The following NSRP1 variants were observed in gnomAD, a reference collection of about 807,000 sequenced individuals.
NSRP1 encodes coiled-coil domain containing 55.
In NSRP1, 24 loss-of-function variants were observed where a neutral mutation model predicts 54.7. The observed-to-expected ratio is 0.44, with a 90% CI of 0.32 to 0.62. NSRP1 has a LOEUF of 0.62. Among genes scored for constraint, NSRP1 ranks in the 20% least tolerant of loss-of-function variants. The pLI is 0.06. For synonymous variants in NSRP1, 210 were observed against 213.8 expected (o/e 0.98, Z 0.15); for missense variants, 596 against 651.2 (o/e 0.92, Z 0.92).
At chr17:30,135,201 C>G (rs943736645) in intron 2 of NSRP1, among the ~76,000 whole-genome samples, 5 of 152,100 alleles carry the variant, frequency 3.3e-5, no homozygotes, top group African/African-American at 1.2e-4. Flanking sequence ...TCACTGCAAC[C>G]TCTGCGTCCA....
chr17:30,126,749 G>A (rs1238289001), intron 2 of NSRP1, among the ~76,000 whole-genome samples: 1 of 152,082 alleles, frequency 6.6e-6, no homozygotes, highest in Non-Finnish European at 1.5e-5. Flanking sequence ...CACCACTCTC[G>A]GCTCATTTTT....
intron 2 of NSRP1, among the ~76,000 whole-genome samples, chr17:30,146,943 A>G (rs904896228): frequency 3.0e-4 from 46 of 152,184 alleles, no homozygotes; most frequent in African/African-American, 1.1e-3. Flanking sequence ...CATCTCTTCT[A>G]GTCCTTATAC....
At chr17:30,173,860 C>T (rs935945508) in intron 3 of NSRP1, among the ~76,000 whole-genome samples, 3 of 152,110 alleles carry the variant, frequency 2.0e-5, no homozygotes, top group Non-Finnish European at 4.4e-5. Flanking sequence ...CACACCCTCC[C>T]GGACGAATTG....
chr17:30,131,201 T>G (rs1441857387), intron 2 of NSRP1, among the ~76,000 whole-genome samples: 1 of 152,252 alleles, frequency 6.6e-6, no homozygotes, highest in Non-Finnish European at 1.5e-5. Context: ...TCTTACTGTT[T>G]CTAATTTATT....
intron 3 of NSRP1, among the ~76,000 whole-genome samples, chr17:30,173,020 G>A (rs1384882047): frequency 6.6e-6 from 1 of 150,752 alleles, no homozygotes; most frequent in Non-Finnish European, 1.5e-5. Flanking sequence ...CTGGAGTGCC[G>A]TGGTGCACTC....
chr17:30,174,709 A>G (rs1322585208), intron 3 of NSRP1, among the ~76,000 whole-genome samples: 1 of 152,240 alleles, frequency 6.6e-6, no homozygotes, highest in South Asian at 2.1e-4. Flanking sequence ...GGTGAACTAC[A>G]TACAAAAAGG....
intron 2 of NSRP1, among the ~76,000 whole-genome samples, chr17:30,124,811 C>T (rs529912725): frequency 6.6e-6 from 1 of 152,278 alleles, no homozygotes; most frequent in African/African-American, 2.4e-5. Context: ...AAAACCATTC[C>T]TTAGAATAAT....
chr17:30,131,763 T>G (rs2071702143), intron 2 of NSRP1, among the ~76,000 whole-genome samples: 1 of 152,170 alleles, frequency 6.6e-6, no homozygotes, highest in Non-Finnish European at 1.5e-5. Flanking sequence ...CGACTCTTCC[T>G]TTAATGAATT....
intron 4 of NSRP1, among the ~76,000 whole-genome samples, 193 bp from the exon 5 acceptor site, chr17:30,178,897 C>G (rs1247024655): frequency 6.6e-6 from 1 of 151,836 alleles, no homozygotes; most frequent in Non-Finnish European, 1.5e-5. Flanking sequence ...TAAACAATTT[C>G]TATCTCTGCT....
At chr17:30,179,978 G>A (rs527617631) in intron 5 of NSRP1, among the ~76,000 whole-genome samples, 25 of 150,260 alleles carry the variant, frequency 1.7e-4, no homozygotes, top group African/African-American at 4.4e-4. Context: ...CTGGGACTAC[G>A]GGAACATACC....
At chr17:30,151,755 T>TTC (rs1279502400) in intron 2 of NSRP1, among the ~76,000 whole-genome samples, 1 of 151,408 alleles carries the variant, frequency 6.6e-6, no homozygotes, top group Non-Finnish European at 1.5e-5. Context: ...TTTTTTCCCA[T>TTC]TCTGTGGGTT....
Position 30,116,850 on chromosome 17 carries a change from A to G in NSRP1, c.7A>G (p.Ile3Val), listed in dbSNP as rs908604307. 1.5e-5 allele frequency: 23 copies of G among 1,576,116 alleles called. No homozygotes were observed. The highest frequency in any genetic ancestry group is 1.2e-5 in the South Asian group (1 of 85,896). ...CAGCGGACACGGGAGCAAGATGGCG[A>G]TTCCGGGCAGGCAGTGAGTGATCCG... The part of the protein sequence containing the change: MA[I>V]PGRQYGLILP... Residue 3 changes from isoleucine to valine, a missense_variant, in exon 1 of 7, where the codon ATT (isoleucine) becomes GTT (valine). By Grantham distance (29) the Ile-to-Val change is conservative (BLOSUM62 3). Transcript: ENST00000247026.
At chr17:30,143,491 A>G (rs1567795148) in intron 2 of NSRP1, among the ~76,000 whole-genome samples, 2 of 152,166 alleles carry the variant, frequency 1.3e-5, no homozygotes, top group South Asian at 4.2e-4. Flanking sequence ...TAGGTGCCAA[A>G]CTATTGCTTG....
chr17:30,171,976 C>CTCTCTCTCT (rs1567804388), intron 2 of NSRP1, among the ~76,000 whole-genome samples: 11 of 80,434 alleles, frequency 1.4e-4, no homozygotes, highest in Admixed American at 8.3e-4. Context: ...ACACACACTC[C>CTCTCTCTCT]CTCTCTCTCT....
intron 2 of NSRP1, among the ~76,000 whole-genome samples, chr17:30,157,521 T>C (rs1904350960): frequency 6.6e-6 from 1 of 152,194 alleles, no homozygotes; most frequent in Admixed American, 6.5e-5. Flanking sequence ...TATGGTCACC[T>C]TAGTCTGCTA....
At chr17:30,147,083 T>G (rs2071862300) in intron 2 of NSRP1, among the ~76,000 whole-genome samples, 1 of 152,138 alleles carries the variant, frequency 6.6e-6, no homozygotes, top group Non-Finnish European at 1.5e-5. Flanking sequence ...TAAGTTTGAT[T>G]TTTGTTATTG....
intron 2 of NSRP1, among the ~76,000 whole-genome samples, chr17:30,127,530 T>TA (rs2071661235): frequency 1.3e-5 from 2 of 152,306 alleles, no homozygotes; most frequent in Middle Eastern, 3.4e-3. Flanking sequence ...TCCTCTCACT[T>TA]AAACACTCCA....
chr17:30,139,885 G>A (rs776214250), intron 2 of NSRP1, among the ~76,000 whole-genome samples: 2 of 152,152 alleles, frequency 1.3e-5, no homozygotes, highest in African/African-American at 2.4e-5. Context: ...TTAGCTGGGC[G>A]TGGTGGCAGC....
Position 30,178,127 on chromosome 17 carries a change from C to G in NSRP1, c.228C>G (p.Asp76Glu), listed in dbSNP as rs1437699720. 1 of 1,610,042 alleles carries G rather than the reference C, an allele frequency of 6.2e-7. No homozygotes were observed. The highest frequency in any genetic ancestry group is 2.2e-5 in the East Asian group (1 of 44,734). The change falls in exon 4 of 7, where the codon GAC becomes GAG. Residue 76 changes from aspartate to glutamate, a missense_variant. Coordinates refer to ENST00000247026, the MANE Select transcript of NSRP1 (RefSeq NM_032141.4). ...AAGATGCTACTGTGTATGAATATGA[C>G]AGTATTTATGATGAAATGCAGAAAA... Reference protein sequence around the residue: ...LAEDATVYEYDSIYDEMQKKK... With the variant: ...LAEDATVYEYESIYDEMQKKK...
Sources: allele counts gnomAD v4.1 joint callset (sites outside exome capture counted in the v4.1 genomes callset), GRCh38; gene constraint gnomAD v4.1.1; transcripts MANE v1.5; gene names NCBI Gene and HGNC (gene_info 2026-07-23, HGNC 2026-07-21).